The following CD40LG variants were observed in gnomAD, a reference collection of about 807,000 sequenced individuals.
CD40LG encodes the protein CD40 antigen ligand.
A neutral mutation model predicts 17.2 loss-of-function variants in CD40LG; 1 was observed. That is an observed-to-expected ratio of 0.06 (90% CI 0.02 to 0.28). The LOEUF (loss-of-function observed/expected upper bound fraction) is 0.28. CD40LG is among the 10% of genes least tolerant of loss of function. The pLI, the probability that CD40LG is intolerant of heterozygous loss-of-function variation, is 1.00. For synonymous variants in CD40LG, 66 were observed against 74.4 expected, an observed-to-expected ratio of 0.89 and a Z score of 0.58; for missense variants, 133 against 193.2, an observed-to-expected ratio of 0.69 and a Z score of 1.85.
intron 4 of CD40LG, among the ~76,000 whole-genome samples, chrX:136,657,231 A>AGATG (rs1051802161): frequency 9.0e-6 from 1 of 111,572 alleles, no homozygotes; most frequent in African/African-American, 3.3e-5. Context: ...AGAGAAAGAG[A>AGATG]GATGGACAGA....
chrX:136,656,724 G>A (rs1294408548), intron 4 of CD40LG, among the ~76,000 whole-genome samples: 1 of 111,770 alleles, frequency 8.9e-6, no homozygotes, highest in Non-Finnish European at 1.9e-5. Flanking sequence ...GAAATGGCAT[G>A]TAGTGACCTC....
At chrX:136,651,388 C>T (rs2076103487) in intron 2 of CD40LG, among the ~76,000 whole-genome samples, 2 of 111,307 alleles carry the variant, frequency 1.8e-5, no homozygotes, top group African/African-American at 3.3e-5. Flanking sequence ...TTAATGCAGG[C>T]GTAAAAGGGT....
Position 136,659,835 on chromosome X carries a change from C to A in CD40LG, c.*420C>A, listed in dbSNP as rs751656265. 1.8e-4 allele frequency: 23 copies of A among 128,830 alleles called. No individual in the cohort carries two copies. The highest frequency in any genetic ancestry group is 2.8e-4 in the Non-Finnish European group (19 of 66,735). 10.6% of individuals were successfully genotyped at this position (128,830 alleles called of 1,213,427 possible). A position where few individuals can be genotyped will look rare whatever the true frequency, so the allele number is the denominator to read the frequency against. On this transcript the variant is annotated 3_prime_UTR_variant, in exon 5 of 5. Transcript: ENST00000370629. Reference sequence around the variant, plus strand: ...AAGGGAAATGGGGAGCCTCAGCTCACATTCAGTTATGGTTGACTCTGGGTT... The same window carrying A: ...AAGGGAAATGGGGAGCCTCAGCTCAAATTCAGTTATGGTTGACTCTGGGTT...
chrX:136,649,076 G>T (rs1036424490), intron 1 of CD40LG, among the ~76,000 whole-genome samples: 5 of 112,400 alleles, frequency 4.4e-5, no homozygotes, highest in Non-Finnish European at 7.5e-5. Flanking sequence ...GAGTAACTTA[G>T]TAGGCTGTTT....
At chrX:136,656,964 C>T (rs1004627667) in intron 4 of CD40LG, among the ~76,000 whole-genome samples, 7 of 112,304 alleles carry the variant, frequency 6.2e-5, no homozygotes, top group African/African-American at 2.3e-4. Flanking sequence ...CAACTCTGAA[C>T]GATTTTATTT....
chrX:136,656,906 G>A (rs749428447), intron 4 of CD40LG, among the ~76,000 whole-genome samples: 5 of 112,064 alleles, frequency 4.5e-5, no homozygotes, highest in East Asian at 2.8e-4. Context: ...GTCCCAAGAC[G>A]TTACATTTTC....
At chrX:136,658,122 C>T (rs940691533) in intron 4 of CD40LG, among the ~76,000 whole-genome samples, 2 of 111,807 alleles carry the variant, frequency 1.8e-5, no homozygotes, top group African/African-American at 6.5e-5. Context: ...TAGTAAAGGG[C>T]GAGTCTTACC....
rs1409630250 is a variant in CD40LG at position 136,660,324 on chromosome X, G to A, written c.*909G>A. 9.0e-6 allele frequency: 1 copy of A among 111,215 alleles called. No individual in the cohort carries two copies. The highest frequency in any genetic ancestry group is 3.3e-5 in the African/African-American group (1 of 30,564). The allele number at this position is 111,215 out of a possible 1,213,427, so 9.2% of individuals were successfully genotyped here. A position where few individuals can be genotyped will look rare whatever the true frequency, so the allele number is the denominator to read the frequency against. ...ATTGTATCTACCTGCAGTCTCCATT[G>A]TTTCCAGAGTGAACTTGTAATTATC... On this transcript the variant is annotated 3_prime_UTR_variant, in exon 5 of 5. Coordinates refer to ENST00000370629, the MANE Select transcript of CD40LG (RefSeq NM_000074.3).
chrX:136,648,438 T>C, intron 1 of CD40LG, 34 bp downstream of exon 1: 1 of 1,168,375 alleles, frequency 8.6e-7, no homozygotes, highest in Non-Finnish European at 1.2e-6. Flanking sequence ...TTAACTAAAT[T>C]TGGGGTCCTT....
intron 1 of CD40LG, among the ~76,000 whole-genome samples, chrX:136,648,929 G>A (rs776644867): frequency 1.8e-5 from 2 of 111,942 alleles, no homozygotes; most frequent in African/African-American, 3.3e-5. Context: ...ATAAGTCCCA[G>A]AATTTGCAGT....
intron 2 of CD40LG, among the ~76,000 whole-genome samples, chrX:136,651,962 C>T (rs1299094828): frequency 9.0e-6 from 1 of 111,462 alleles, no homozygotes; most frequent in Non-Finnish European, 1.9e-5. Flanking sequence ...GTCAATTCCT[C>T]ACGTCATTAT....
rs757648814 is a variant in CD40LG at position 136,654,446 on chromosome X, G to T, written c.346+16G>T. ...ATGCAAAAAGGTAGGTTTGCTATTT[G>T]CTAATTTCTATGAATGCCTAAAAAC... is the stretch of plus-strand genomic sequence containing the variant. On this transcript the variant is annotated intron_variant, in intron 3 of 4. Transcript: ENST00000370629. 1.4e-5 allele frequency: 16 copies of T among 1,147,430 alleles called. No homozygotes were observed. The highest frequency in any genetic ancestry group is 1.8e-5 in the Non-Finnish European group (15 of 838,191). The allele number at this position is 1,147,430 out of a possible 1,213,427, so 94.6% of individuals were successfully genotyped here. A position where few individuals can be genotyped will look rare whatever the true frequency, so the allele number is the denominator to read the frequency against.
chrX:136,660,105 AACACACACACACACACAC>A lies in CD40LG; in HGVS notation c.*726_*743del, dbSNP rs56074249. On this transcript the variant is annotated 3_prime_UTR_variant, in exon 5 of 5. Transcript: ENST00000370629. ...GTCTCTCTTCTCAATCCCCCTTTCT[AACACACACACACACACAC>A]ACACACACACACACACACACACACA... 21 of 37,993 alleles carry A rather than the reference AACACACACACACACACAC, an allele frequency of 5.5e-4. 1 individual carries two copies. Among genetic ancestry groups the A allele is most frequent in the South Asian group, 1.8e-3 (1 of 556 alleles). 3.1% of individuals were successfully genotyped at this position (37,993 alleles called of 1,213,427 possible).
At chrX:136,654,487 G>A in intron 3 of CD40LG, 57 bp downstream of exon 3, 1 of 892,472 alleles carries the variant, frequency 1.1e-6, no homozygotes, top group Non-Finnish European at 1.7e-6. Context: ...GGAAGCTTTA[G>A]GCTGATCATA....
chrX:136,654,179 G>C lies in CD40LG; in HGVS notation c.289-194G>C, dbSNP rs111768854. ...TCCAGATTCTCCCCTGGGCTTTCTG[G>C]GTTGTTGGCTCATCTGTCAGATCCA... is the stretch of plus-strand genomic sequence containing the variant. On this transcript the variant is annotated intron_variant, in intron 2 of 4. Coordinates refer to ENST00000370629, the MANE Select transcript of CD40LG (RefSeq NM_000074.3). Among the ~76,000 whole-genome samples, 355 of 111,488 alleles carry C rather than the reference G, an allele frequency of 3.2e-3. 4 individuals are homozygous for C. Among genetic ancestry groups the C allele is most frequent in the South Asian group, 0.013 (35 of 2,633 alleles).
chrX:136,650,473 C>T, intron 2 of CD40LG, 76 bp downstream of exon 2: 1 of 951,384 alleles, frequency 1.1e-6, no homozygotes. Context: ...ACTGACAATG[C>T]CAATGTTTAA....
intron 4 of CD40LG, among the ~76,000 whole-genome samples, chrX:136,656,698 T>C (rs1457890871): frequency 9.0e-6 from 1 of 111,657 alleles, no homozygotes; most frequent in Non-Finnish European, 1.9e-5. Flanking sequence ...GGGACCATTG[T>C]TCTGACAACA....
In CD40LG at chrX:136,660,117, C is replaced by CACACACACAT. The variant is rs1569378088; in HGVS notation, c.*711_*712insTACACACACA. 37 of 75,060 alleles carry CACACACACAT rather than the reference C, an allele frequency of 4.9e-4. No individual in the cohort carries two copies. The highest frequency in any genetic ancestry group is 3.3e-3 in the African/African-American group (37 of 11,096). The allele number at this position is 75,060 out of a possible 1,213,427, so 6.2% of individuals were successfully genotyped here. On this transcript the variant is annotated 3_prime_UTR_variant, in exon 5 of 5. Transcript: ENST00000370629. Reference sequence around the variant, plus strand: ...AATCCCCCTTTCTAACACACACACACACACACACACACACACACACACACA... The same window carrying CACACACACAT: ...AATCCCCCTTTCTAACACACACACACACACACACATACACACACACACACACACACACACA...
intron 3 of CD40LG, among the ~76,000 whole-genome samples, chrX:136,655,607 G>T (rs973367422): frequency 8.9e-6 from 1 of 112,012 alleles, no homozygotes; most frequent in South Asian, 3.7e-4. Context: ...TGTTGTTCTG[G>T]ATACTAAATG....
Sources: allele counts gnomAD v4.1 joint callset (sites outside exome capture counted in the v4.1 genomes callset), GRCh38; gene constraint gnomAD v4.1.1; transcripts MANE v1.5; gene names NCBI Gene and HGNC (gene_info 2026-07-23, HGNC 2026-07-21).